VPS33B: variants seen among roughly 807,000 people sequenced by gnomAD.
The protein encoded by VPS33B is vacuolar protein sorting-associated protein 33B.
Under a neutral mutation model 95.3 loss-of-function variants are expected in VPS33B, and 80 were observed. The observed-to-expected ratio is 0.84, with a 90% CI of 0.70 to 1.01. The LOEUF (loss-of-function observed/expected upper bound fraction) is 1.01. Among genes scored for constraint, VPS33B ranks in the 50% least tolerant of loss-of-function variants. The pLI, the probability that VPS33B is intolerant of heterozygous loss-of-function variation, is 0.00. For synonymous variants in VPS33B, 280 were observed against 280.4 expected (o/e 1.00, Z 0.01); for missense variants, 715 against 773.4 (o/e 0.92, Z 0.90).
rs939163577 is a variant in VPS33B, at chr15:91,000,774, C to G, written c.1480-183G>C. 7 of 587,992 alleles carry G rather than the reference C, an allele frequency of 1.2e-5. No homozygotes were observed. Among genetic ancestry groups the G allele is most frequent in the African/African-American group, 5.6e-5 (3 of 53,642 alleles). 36.4% of individuals were successfully genotyped at this position (587,992 alleles called of 1,614,324 possible). A position where few individuals can be genotyped will look rare whatever the true frequency, so the allele number is the denominator to read the frequency against. ...AGTTTTTGTTCAGTAACTGCCAGTT[C>G]TCTGGAATGAGTTCCCATGCGCCAT... On this transcript the variant is annotated intron_variant, in intron 19 of 22. Coordinates refer to ENST00000333371, the MANE Select transcript of VPS33B (RefSeq NM_018668.5). The surrounding 1 kb of genome is among the most constrained non-coding windows in gnomAD (Gnocchi z 4.9).
rs762192325 is a variant in VPS33B at position 91,013,857 on chromosome 15, C to T, written c.304G>A (p.Asp102Asn). ...MRYIASLVNADKLAGRTRKYK... is the reference protein window; with the variant it reads ...MRYIASLVNANKLAGRTRKYK... ...TTGCGAGTTCGGCCAGCCAATTTGT[C>T]AGCATTGACAAGACCTACAGAGAGA... The change falls in exon 5 of 23, where the codon GAC becomes AAC. Residue 102 changes from aspartate (D) to asparagine (N), a missense_variant. By Grantham distance (23) the Asp-to-Asn change is conservative. Transcript: ENST00000333371. This position sits in a 1 kb window ranked among gnomAD's most constrained non-coding sequence, Gnocchi z 4.5. The T allele has an allele frequency of 6.2e-7, 1 of 1,614,096 alleles. No homozygotes were observed. Among genetic ancestry groups the T allele is most frequent in the Non-Finnish European group, 8.5e-7 (1 of 1,180,010 alleles).
rs145751205 is a variant in VPS33B at position 91,022,563 on chromosome 15, C to T, written c.-314G>A. The T allele has an allele frequency of 1.6e-4, 41 of 255,078 alleles. No individual in the cohort carries two copies. The East Asian group carries it at 2.7e-3, about 17-fold the overall frequency. 15.8% of individuals were successfully genotyped at this position (255,078 alleles called of 1,614,324 possible). A position where few individuals can be genotyped will look rare whatever the true frequency, so the allele number is the denominator to read the frequency against. ...GAGACTCCGCAGCGTACGAGGAGAACCCCGCCTTCTACCAGAAAAAGAAGC... is the reference window on the plus strand; with the variant it reads ...GAGACTCCGCAGCGTACGAGGAGAATCCCGCCTTCTACCAGAAAAAGAAGC... On this transcript the variant is annotated 5_prime_UTR_variant, in exon 1 of 23. Transcript: ENST00000333371.
chr15:91,006,762 C>T lies in VPS33B; in HGVS notation c.701-33G>A. On this transcript the variant is annotated intron_variant, in intron 9 of 22. Transcript: ENST00000333371. This position sits in a 1 kb window ranked among gnomAD's most constrained non-coding sequence, Gnocchi z 5.4. Reference sequence around the variant, plus strand: ...AGAGATCCCTGACCATGAAGGTTCTCCCTGACCCAGCCTTCTACACAGCAT... The same window carrying T: ...AGAGATCCCTGACCATGAAGGTTCTTCCTGACCCAGCCTTCTACACAGCAT... 1.2e-6 allele frequency: 2 copies of T among 1,613,604 alleles called. No homozygotes were observed. Among genetic ancestry groups the T allele is most frequent in the Non-Finnish European group, 1.7e-6 (2 of 1,179,530 alleles).
intron 5 of VPS33B, among the ~76,000 whole-genome samples, chr15:91,012,708 C>T (rs2040814448): frequency 6.6e-6 from 1 of 152,172 alleles, no homozygotes; most frequent in Non-Finnish European, 1.5e-5. Flanking sequence ...GAACGTCATT[C>T]CTCCCAATCA....
Position 91,022,259 on chromosome 15 carries a change from C to T in VPS33B, c.-10G>A. 6.4e-7 allele frequency: 1 copy of T among 1,551,396 alleles called. No individual in the cohort carries two copies. The highest frequency in any genetic ancestry group is 2.4e-5 in the East Asian group (1 of 42,074). ...GATGGGGAAAAGCCATGGCAGCGGT[C>T]ACCTGCGCCGCGGGGTGGAAGGACG... On this transcript the variant is annotated 5_prime_UTR_variant, in exon 1 of 23. Coordinates refer to ENST00000333371, the MANE Select transcript of VPS33B (RefSeq NM_018668.5).
At position 91,002,133 on chromosome 15, in the gene VPS33B, C is replaced by T. The variant is rs1423997520; in HGVS notation, c.1322G>A (p.Gly441Glu). 4 of 1,614,124 alleles carry T rather than the reference C, an allele frequency of 2.5e-6. No individual in the cohort carries two copies. The highest frequency in any genetic ancestry group is 3.4e-6 in the Non-Finnish European group (4 of 1,180,028). ...CCCGGGGGCCTGCTCCGTTAGGAGCCCAGCTCTTCGCAGATTGGAGAAGGT... is the reference window on the plus strand; with the variant it reads ...CCCGGGGGCCTGCTCCGTTAGGAGCTCAGCTCTTCGCAGATTGGAGAAGGT... ...LLTFSNLRRAGLLTEQAPGDT... is the reference protein window; with the variant it reads ...LLTFSNLRRAELLTEQAPGDT... Residue 441 changes from glycine (G) to glutamate (E), a missense_variant, in exon 18 of 23, where the codon GGG becomes GAG. By Grantham distance (98) the Gly-to-Glu change is moderately conservative. Coordinates refer to ENST00000333371, the MANE Select transcript of VPS33B (RefSeq NM_018668.5). This position sits in a 1 kb window ranked among gnomAD's most constrained non-coding sequence, Gnocchi z 4.7.
rs2040353783 is a variant in VPS33B, at chr15:90,999,022, T to C, written c.1807A>G (p.Thr603Ala). 1 of 1,614,208 alleles carries C rather than the reference T, an allele frequency of 6.2e-7. No homozygotes were observed. The highest frequency in any genetic ancestry group is 1.3e-5 in the African/African-American group (1 of 75,068). Residue 603 changes from threonine to alanine, a missense_variant, in exon 23 of 23, where the codon ACA (threonine) becomes GCA (alanine). By Grantham distance (58) the Thr-to-Ala change is moderately conservative. Transcript: ENST00000333371. This position sits in a 1 kb window ranked among gnomAD's most constrained non-coding sequence, Gnocchi z 5.1. Reference sequence around the variant, plus strand: ...GCCTCCATAAGGCGAGCGCTGTTTGTGACTGCTGTCGTCAGGAAAATGAAC... The same window carrying C: ...GCCTCCATAAGGCGAGCGCTGTTTGCGACTGCTGTCGTCAGGAAAATGAAC... ...YRFIFLTTAVTNSARLMEAMS... is the reference protein window; with the variant it reads ...YRFIFLTTAVANSARLMEAMS...
chr15:91,016,385 T>C, intron 3 of VPS33B, among the ~76,000 whole-genome samples: 1 of 140,026 alleles, frequency 7.1e-6, no homozygotes, highest in Non-Finnish European at 1.5e-5. Flanking sequence ...CTTTTTTTTT[T>C]TTTTTTTTTT....
Position 91,022,227 on chromosome 15 carries a change from T to G in VPS33B, c.23A>C (p.Asp8Ala). The part of the protein sequence containing the change: MAFPHRP[D>A]APELPDFSML... ...GGAGAAGTCAGGCAGCTCAGGGGCGTCCGGCCGATGGGGAAAAGCCATGGC... is the reference window on the plus strand; with the variant it reads ...GGAGAAGTCAGGCAGCTCAGGGGCGGCCGGCCGATGGGGAAAAGCCATGGC... The change falls in exon 1 of 23, where the codon GAC becomes GCC. Residue 8 changes from aspartate to alanine, a missense_variant. Physicochemically the swap from Asp to Ala is moderately radical, Grantham distance 126 (BLOSUM62 -2). Transcript: ENST00000333371. 8 of 1,579,478 alleles carry G rather than the reference T, an allele frequency of 5.1e-6. No individual in the cohort carries two copies. The highest frequency in any genetic ancestry group is 6.9e-6 in the Non-Finnish European group (8 of 1,159,212).
Position 91,007,365 on chromosome 15 carries a change from T to C in VPS33B, c.603+104A>G. ...CTATTCCAGAACAATGAAAGCAAAG[T>C]AAAGAATACACCTCATATCACAGGT... On this transcript the variant is annotated intron_variant, in intron 8 of 22. Coordinates refer to ENST00000333371, the MANE Select transcript of VPS33B (RefSeq NM_018668.5). The surrounding 1 kb of genome is among the most constrained non-coding windows in gnomAD (Gnocchi z 5.3). 1 of 1,144,480 alleles carries C rather than the reference T, an allele frequency of 8.7e-7. No homozygotes were observed. The highest frequency in any genetic ancestry group is 1.3e-6 in the Non-Finnish European group (1 of 755,606). The allele number at this position is 1,144,480 out of a possible 1,614,324, so 70.9% of individuals were successfully genotyped here. A position where few individuals can be genotyped will look rare whatever the true frequency, so the allele number is the denominator to read the frequency against.
chr15:90,999,041 A>C lies in VPS33B; in HGVS notation c.1788T>G (p.Ile596Met). The part of the protein sequence containing the change: ...FLGREKGYRF[I>M]FLTTAVTNSA... ...TGTTTGTGACTGCTGTCGTCAGGAA[A>C]ATGAACCTGTAGCCTAAGGAGTCAA... is the stretch of plus-strand genomic sequence containing the variant. Residue 596 changes from isoleucine to methionine, a missense_variant, in exon 23 of 23, where the codon ATT (isoleucine) becomes ATG (methionine). Coordinates refer to ENST00000333371, the MANE Select transcript of VPS33B (RefSeq NM_018668.5). The surrounding 1 kb of genome is among the most constrained non-coding windows in gnomAD (Gnocchi z 5.1). 1 of 1,614,146 alleles carries C rather than the reference A, an allele frequency of 6.2e-7. No homozygotes were observed. The highest frequency in any genetic ancestry group is 1.3e-5 in the African/African-American group (1 of 75,056).
At chr15:91,003,520 A>G (rs111913862) in intron 16 of VPS33B, among the ~76,000 whole-genome samples, 4,513 of 152,062 alleles carry the variant, frequency 0.03, 120 homozygotes, top group South Asian at 0.11. Context: ...GCTCACTGCA[A>G]CCTCCGCCTC....
At chr15:91,020,046 C>G (rs2041059519) in intron 1 of VPS33B, among the ~76,000 whole-genome samples, 1 of 152,126 alleles carries the variant, frequency 6.6e-6, no homozygotes, top group Admixed American at 6.5e-5. Flanking sequence ...CTCAGGTGAT[C>G]TGCCTGCCTT....
chr15:91,016,606 T>C (rs1567229037), intron 3 of VPS33B, among the ~76,000 whole-genome samples: 1 of 151,914 alleles, frequency 6.6e-6, no homozygotes, highest in Non-Finnish European at 1.5e-5. Context: ...CTGGTCTCTA[T>C]CTCCTGACCT....
chr15:91,000,412 A>AT lies in VPS33B; in HGVS notation c.1581+77_1581+78insA. On this transcript the variant is annotated intron_variant, in intron 20 of 22. Transcript: ENST00000333371. This position sits in a 1 kb window ranked among gnomAD's most constrained non-coding sequence, Gnocchi z 4.9. ...ACTCCATCTCAAATAAAAAAAAAAA[A>AT]ACATTGAGACACGCCAGGGACCAAG... is the stretch of plus-strand genomic sequence containing the variant. The AT allele has an allele frequency of 7.3e-7, 1 of 1,369,900 alleles. No individual in the cohort carries two copies. The highest frequency in any genetic ancestry group is 1.0e-6 in the Non-Finnish European group (1 of 997,572). The allele number at this position is 1,369,900 out of a possible 1,614,324, so 84.9% of individuals were successfully genotyped here.
chr15:91,017,567 G>A (rs925181220), intron 2 of VPS33B, among the ~76,000 whole-genome samples: 10 of 151,580 alleles, frequency 6.6e-5, no homozygotes, highest in African/African-American at 2.2e-4. Flanking sequence ...AGGCTGCAGT[G>A]AGCTGTGATT....
In VPS33B at chr15:91,006,832, G is replaced by C; in HGVS notation, c.701-103C>G. The C allele has an allele frequency of 6.3e-7, 1 of 1,577,550 alleles. No homozygotes were observed. Among genetic ancestry groups the C allele is most frequent in the Non-Finnish European group, 8.7e-7 (1 of 1,147,528 alleles). On this transcript the variant is annotated intron_variant, in intron 9 of 22. Coordinates refer to ENST00000333371, the MANE Select transcript of VPS33B (RefSeq NM_018668.5). This position sits in a 1 kb window ranked among gnomAD's most constrained non-coding sequence, Gnocchi z 5.4. ...ACTTTCCATAGGGCCAAGGACCCAC[G>C]CTCCTCAAAGCTGGGATTCACAGCC...
chr15:91,015,051 A>G lies in VPS33B; in HGVS notation c.240-618T>C, dbSNP rs916758432. On this transcript the variant is annotated intron_variant, in intron 3 of 22. Transcript: ENST00000333371. The surrounding 1 kb of genome is among the most constrained non-coding windows in gnomAD (Gnocchi z 4.7). ...CCCCGTCTCTACTAAAAATACAAAC[A>G]TTGGCTGGGCATGGTGGCTCACACC... 6.6e-6 allele frequency among the ~76,000 whole-genome samples: 1 copy of G among 151,504 alleles called. No homozygotes were observed. Among genetic ancestry groups the G allele is most frequent in the African/African-American group, 2.4e-5 (1 of 41,162 alleles).
At position 91,009,810 on chromosome 15, in the gene VPS33B, T is replaced by G; in HGVS notation, c.394A>C (p.Ile132Leu). The G allele has an allele frequency of 6.2e-7, 1 of 1,614,168 alleles. No individual in the cohort carries two copies. The highest frequency in any genetic ancestry group is 8.5e-7 in the Non-Finnish European group (1 of 1,180,000). ...ACEMVLEEEG[I>L]YGDVSCDEWA... ...ATTCATCTCCTCTCACCTCCATAGA[T>G]TCCCTCTTCCTCAAGCACCATCTCA... Residue 132 changes from isoleucine (I) to leucine (L), a missense_variant, in exon 6 of 23, where the codon ATC becomes CTC. Ile to Leu is a conservative substitution (Grantham distance 5). Coordinates refer to ENST00000333371, the MANE Select transcript of VPS33B (RefSeq NM_018668.5). The surrounding 1 kb of genome is among the most constrained non-coding windows in gnomAD (Gnocchi z 4.1).
Sources: gnomAD v4.1 joint callset for allele counts (sites outside exome capture counted in the v4.1 genomes callset) on GRCh38, gnomAD v4.1.1 for gene constraint, Gnocchi (gnomAD v3.1) non-coding constraint, MANE v1.5 for transcripts, NCBI Gene and HGNC (gene_info 2026-07-23, HGNC 2026-07-21) for gene names.